FOXN3: variants seen among roughly 807,000 people sequenced by gnomAD.
FOXN3 encodes forkhead box N3.
In FOXN3, 7 loss-of-function variants were observed where a neutral mutation model predicts 38.4. The observed-to-expected ratio is 0.18, with a 90% CI of 0.10 to 0.34. The LOEUF (loss-of-function observed/expected upper bound fraction) is 0.34. Among genes scored for constraint, FOXN3 ranks in the 10% least tolerant of loss-of-function variants. The pLI is 1.00. For missense variants in FOXN3, 456 were observed against 613.4 expected, an observed-to-expected ratio of 0.74 and a Z score of 2.71; for synonymous variants, 230 against 242.2, an observed-to-expected ratio of 0.95 and a Z score of 0.47.
At chr14:89,381,695 G>GA (rs939286365) in intron 2 of FOXN3, among the ~76,000 whole-genome samples, 7 of 151,894 alleles carry the variant, frequency 4.6e-5, no homozygotes, top group Non-Finnish European at 7.4e-5. Context: ...CCATCTCTAT[G>GA]AAAAAATTAA....
At chr14:89,336,256 A>ATCCATCCATGCATCCT (rs1566960026) in intron 3 of FOXN3, among the ~76,000 whole-genome samples, 2 of 151,114 alleles carry the variant, frequency 1.3e-5, no homozygotes, top group African/African-American at 4.9e-5. Context: ...CCATTCATCC[A>ATCCATCCATGCATCCT]TCCACACAGA....
At chr14:89,336,137 T>TACACAC (rs34950734) in intron 3 of FOXN3, among the ~76,000 whole-genome samples, 3,171 of 140,096 alleles carry the variant, frequency 0.023, 67 homozygotes, top group African/African-American at 0.057. Flanking sequence ...AAGTGATCCT[T>TACACAC]ACACACACAC....
chr14:89,175,756 C>T (rs1887504280), intron 5 of FOXN3, among the ~76,000 whole-genome samples: 1 of 152,148 alleles, frequency 6.6e-6, no homozygotes, highest in Admixed American at 6.5e-5. Context: ...TCCCAATCCT[C>T]CAGCGAGCCC....
At chr14:89,441,922 C>CT (rs35118856) in intron 1 of FOXN3, among the ~76,000 whole-genome samples, 43 of 75,370 alleles carry the variant, frequency 5.7e-4, no homozygotes, top group African/African-American at 1.3e-3. Context: ...AACCGGCTGA[C>CT]TTTTTTTTTT....
At chr14:89,258,476 A>G (rs1461519554) in intron 4 of FOXN3, among the ~76,000 whole-genome samples, 1 of 152,212 alleles carries the variant, frequency 6.6e-6, no homozygotes, top group Admixed American at 6.5e-5. Flanking sequence ...GCTCAAGTGA[A>G]GGCATGCAGG....
chr14:89,525,256 G>T (rs909713542), intron 1 of FOXN3, among the ~76,000 whole-genome samples: 2 of 151,068 alleles, frequency 1.3e-5, no homozygotes, highest in Admixed American at 6.6e-5. Flanking sequence ...AAAACAGGTT[G>T]CAGTAAAGAA....
At chr14:89,588,104 A>G (rs950038152) in intron 1 of FOXN3, among the ~76,000 whole-genome samples, 1 of 152,074 alleles carries the variant, frequency 6.6e-6, no homozygotes, top group Non-Finnish European at 1.5e-5. Context: ...TCTTGGTGCA[A>G]TCTTCACAAT....
chr14:89,280,889 G>C, intron 4 of FOXN3, 61 bp downstream of exon 4: 1 of 1,421,918 alleles, frequency 7.0e-7, no homozygotes, highest in South Asian at 1.2e-5. Flanking sequence ...AAGCACAAAG[G>C]AGTGATGAAA....
chr14:89,442,984 C>G (rs545072380), intron 1 of FOXN3, among the ~76,000 whole-genome samples: 31 of 152,326 alleles, frequency 2.0e-4, no homozygotes, highest in South Asian at 1.0e-3. Flanking sequence ...TTTGCCAACA[C>G]CTGCTCTAAA....
intron 1 of FOXN3, among the ~76,000 whole-genome samples, chr14:89,505,242 T>C (rs889746557): frequency 6.7e-5 from 10 of 150,068 alleles, no homozygotes; most frequent in African/African-American, 2.3e-4. Context: ...AATGAAACAC[T>C]GTCCCCTCTC....
intron 4 of FOXN3, among the ~76,000 whole-genome samples, chr14:89,228,634 C>T (rs904378804): frequency 6.6e-6 from 1 of 152,134 alleles, no homozygotes; most frequent in Admixed American, 6.5e-5. Context: ...AATCCTGCCT[C>T]TTCTAGATTA....
At chr14:89,350,954 G>T in intron 2 of FOXN3, 146 bp from the exon 3 acceptor site, 1 of 498,204 alleles carries the variant, frequency 2.0e-6, no homozygotes, top group Non-Finnish European at 3.3e-6. Context: ...TATACTGACA[G>T]TAGAACTCCA....
chr14:89,464,721 C>G (rs1035065759), intron 1 of FOXN3, among the ~76,000 whole-genome samples: 1 of 152,002 alleles, frequency 6.6e-6, no homozygotes, highest in Non-Finnish European at 1.5e-5. Flanking sequence ...GTTTTTGAGA[C>G]GGAGTCTTGC....
At chr14:89,182,491 T>G (rs1402440936) in intron 4 of FOXN3, among the ~76,000 whole-genome samples, 1 of 152,166 alleles carries the variant, frequency 6.6e-6, no homozygotes, top group African/African-American at 2.4e-5. Flanking sequence ...CCTAATTAAT[T>G]GTGAGAGCAG....
intron 4 of FOXN3, among the ~76,000 whole-genome samples, chr14:89,271,327 G>C (rs956234980): frequency 6.6e-6 from 1 of 152,114 alleles, no homozygotes; most frequent in Admixed American, 6.5e-5. Context: ...AATTTCAAGG[G>C]GAATGACTTT....
At chr14:89,170,402 G>A (rs1182734680) in intron 5 of FOXN3, among the ~76,000 whole-genome samples, 1 of 152,120 alleles carries the variant, frequency 6.6e-6, no homozygotes, top group African/African-American at 2.4e-5. Flanking sequence ...ATTTTCTGAT[G>A]CACACATGAC....
chr14:89,499,953 G>C (rs1214227953), intron 1 of FOXN3, among the ~76,000 whole-genome samples: 1 of 152,064 alleles, frequency 6.6e-6, no homozygotes, highest in Non-Finnish European at 1.5e-5. Context: ...GGGTTCAAGT[G>C]ATTCTCCTGC....
intron 5 of FOXN3, among the ~76,000 whole-genome samples, chr14:89,177,652 G>A (rs992704610): frequency 6.6e-6 from 1 of 152,058 alleles, no homozygotes; most frequent in Non-Finnish European, 1.5e-5. Context: ...GAGAAAGATA[G>A]AACTGGCTCC....
chr14:89,534,111 T>C (rs1423545217), intron 1 of FOXN3, among the ~76,000 whole-genome samples: 3 of 144,466 alleles, frequency 2.1e-5, no homozygotes, highest in Non-Finnish European at 4.6e-5. Context: ...TTTTTTTTTT[T>C]TTTTTTTTTT....
Sources: gnomAD v4.1 joint callset for allele counts (sites outside exome capture counted in the v4.1 genomes callset) on GRCh38, gnomAD v4.1.1 for gene constraint, MANE v1.5 for transcripts, NCBI Gene and HGNC (gene_info 2026-07-23, HGNC 2026-07-21) for gene names.